Variants in PRKAG2 observed in about 807,000 individuals in gnomAD.
The protein encoded by PRKAG2 is protein kinase AMP-activated non-catalytic subunit gamma 2.
In PRKAG2, 26 loss-of-function variants were observed where a neutral mutation model predicts 69.6. That is an observed-to-expected ratio of 0.37 (90% CI 0.27 to 0.52). The LOEUF (loss-of-function observed/expected upper bound fraction) is 0.52, where lower values mean the gene tolerates loss of function less well. PRKAG2 is among the 20% of genes least tolerant of loss of function. PRKAG2 has a pLI of 0.90. For missense variants in PRKAG2, 557 were observed against 740.0 expected (o/e 0.75, Z 2.87); for synonymous variants, 293 against 285.0 (o/e 1.03, Z -0.28).
At chr7:151,726,401 C>T (rs1421931076) in intron 3 of PRKAG2, among the ~76,000 whole-genome samples, 2 of 83,374 alleles carry the variant, frequency 2.4e-5, no homozygotes, top group African/African-American at 3.7e-5. Context: ...CACACACACA[C>T]GCACACACAC....
At chr7:151,873,927 A>C (rs535745975) in intron 1 of PRKAG2, among the ~76,000 whole-genome samples, 24 of 152,038 alleles carry the variant, frequency 1.6e-4, no homozygotes, top group East Asian at 5.8e-4. Context: ...GTTTCTCTCT[A>C]TATATTTTTT....
At chr7:151,728,233 G>A (rs558513789) in intron 3 of PRKAG2, among the ~76,000 whole-genome samples, 2 of 152,326 alleles carry the variant, frequency 1.3e-5, no homozygotes, top group South Asian at 2.1e-4. Context: ...GAACGTTCAT[G>A]TTGATTTACG....
chr7:151,815,294 G>A (rs1397326880), intron 1 of PRKAG2, among the ~76,000 whole-genome samples: 2 of 152,152 alleles, frequency 1.3e-5, no homozygotes, highest in Non-Finnish European at 2.9e-5. Context: ...TTTGACACCT[G>A]GGGCCTTGCT....
At chr7:151,794,203 C>T (rs572892128) in intron 1 of PRKAG2, among the ~76,000 whole-genome samples, 1 of 152,316 alleles carries the variant, frequency 6.6e-6, no homozygotes, top group Admixed American at 6.5e-5. Context: ...CACCGTATTC[C>T]CAGTTCCTCG....
chr7:151,634,266 G>T (rs997232913), intron 4 of PRKAG2, among the ~76,000 whole-genome samples: 3 of 152,110 alleles, frequency 2.0e-5, no homozygotes, highest in African/African-American at 7.2e-5. Flanking sequence ...GGAGTAATTG[G>T]ATATCAAAAG....
intron 5 of PRKAG2, among the ~76,000 whole-genome samples, chr7:151,617,281 AAAGAGGGAGGG>A (rs1820389234): frequency 1.5e-5 from 1 of 68,880 alleles, no homozygotes; most frequent in African/African-American, 6.9e-5. Context: ...GGAGGGAGGG[AAAGAGGGAGGG>A]GGGGAGGGAG....
intron 1 of PRKAG2, among the ~76,000 whole-genome samples, chr7:151,855,787 G>A (rs1054034152): frequency 6.6e-6 from 1 of 152,258 alleles, no homozygotes; most frequent in Non-Finnish European, 1.5e-5. Flanking sequence ...ATGGGTAGAG[G>A]CTCAGAGCCA....
At chr7:151,599,823 G>A (rs943758512) in intron 5 of PRKAG2, among the ~76,000 whole-genome samples, 1 of 152,096 alleles carries the variant, frequency 6.6e-6, no homozygotes, top group African/African-American at 2.4e-5. Context: ...CCCCAGGATT[G>A]GGGACCCCTG....
At chr7:151,797,657 C>G (rs2077624253) in intron 1 of PRKAG2, among the ~76,000 whole-genome samples, 1 of 152,206 alleles carries the variant, frequency 6.6e-6, no homozygotes, top group Non-Finnish European at 1.5e-5. Flanking sequence ...TTTCACCCAC[C>G]TGCTCTGTGC....
chr7:151,742,470 A>G (rs537392394), intron 3 of PRKAG2, among the ~76,000 whole-genome samples: 6 of 152,192 alleles, frequency 3.9e-5, no homozygotes, highest in African/African-American at 1.4e-4. Flanking sequence ...CCAAAAATAC[A>G]AAAATTAGCT....
intron 3 of PRKAG2, among the ~76,000 whole-genome samples, chr7:151,754,092 T>C (rs1475498032): frequency 2.0e-5 from 3 of 152,202 alleles, no homozygotes; most frequent in Non-Finnish European, 4.4e-5. Flanking sequence ...TTTTACTGTC[T>C]CCGAAGGTGG....
At chr7:151,867,914 G>A (rs983259688) in intron 1 of PRKAG2, among the ~76,000 whole-genome samples, 4 of 152,174 alleles carry the variant, frequency 2.6e-5, no homozygotes, top group African/African-American at 7.2e-5. Flanking sequence ...GGAGGTCACT[G>A]CAGGGCCACC....
At chr7:151,618,440 C>T (rs533467919) in intron 5 of PRKAG2, among the ~76,000 whole-genome samples, 1 of 147,068 alleles carries the variant, frequency 6.8e-6, no homozygotes, top group East Asian at 2.0e-4. Context: ...GCAATAAGAG[C>T]AAGACTCCGT....
At chr7:151,864,017 G>A (rs1266178568) in intron 1 of PRKAG2, among the ~76,000 whole-genome samples, 1 of 152,168 alleles carries the variant, frequency 6.6e-6, no homozygotes, top group African/African-American at 2.4e-5. Context: ...ATCGCTTTGA[G>A]CCTTTCCTGA....
intron 4 of PRKAG2, among the ~76,000 whole-genome samples, chr7:151,670,073 C>CACCTGCATGCACACAT (rs1262717718): frequency 1.3e-5 from 2 of 150,578 alleles, no homozygotes; most frequent in East Asian, 2.0e-4. Flanking sequence ...CATGCACACT[C>CACCTGCATGCACACAT]ACCTGCATGC....
At chr7:151,570,277 G>A (rs1323021213) in intron 9 of PRKAG2, 52 bp from the exon 10 acceptor site, 3 of 1,560,368 alleles carry the variant, frequency 1.9e-6, no homozygotes. Flanking sequence ...GCTGTTTGCA[G>A]TTATAACACA....
intron 5 of PRKAG2, among the ~76,000 whole-genome samples, chr7:151,615,020 G>C (rs1819752883): frequency 6.6e-6 from 1 of 152,078 alleles, no homozygotes; most frequent in African/African-American, 2.4e-5. Flanking sequence ...GGAACCCCGA[G>C]ACAGAAGCCG....
intron 1 of PRKAG2, chr7:151,790,648 A>G (rs896307506): frequency 6.6e-6 from 1 of 152,268 alleles, no homozygotes; most frequent in African/African-American, 2.4e-5. Context: ...ATCAGGCCAC[A>G]CGCAGTTGCA....
chr7:151,669,973 C>CACAT (rs59139897), intron 4 of PRKAG2, among the ~76,000 whole-genome samples: 1 of 121,756 alleles, frequency 8.2e-6, no homozygotes, highest in Non-Finnish European at 1.9e-5. Context: ...CCTGCACACA[C>CACAT]CTGTGCACAC....
Sources: allele counts gnomAD v4.1 joint callset (sites outside exome capture counted in the v4.1 genomes callset), GRCh38; gene constraint gnomAD v4.1.1; transcripts MANE v1.5; gene names NCBI Gene and HGNC (gene_info 2026-07-23, HGNC 2026-07-21).